MADD: variants seen among roughly 807,000 people sequenced by gnomAD.
The protein encoded by MADD is MAP kinase activating death domain.
A neutral mutation model predicts 176.7 loss-of-function variants in MADD; 109 were observed. The observed-to-expected ratio is 0.62, with a 90% confidence interval of 0.53 to 0.72. The LOEUF is 0.72. MADD is among the 30% of genes least tolerant of loss of function. The probability of loss-of-function intolerance (pLI) is 0.00; values close to 1 mark genes in which losing one functional copy is unlikely to be tolerated. For missense variants in MADD, 1,914 were observed against 2,045.5 expected, an observed-to-expected ratio of 0.94 and a Z score of 1.24; for synonymous variants, 771 against 771.3, an observed-to-expected ratio of 1.00 and a Z score of 0.01.
intron 8 of MADD, 97 bp downstream of exon 8, chr11:47,281,850 C>CTTTTTTTTTTTTTTTTTTTTTTTTTTTGT (rs56374249): frequency 3.3e-6 from 1 of 300,840 alleles, no homozygotes; most frequent in Non-Finnish European, 5.0e-6. Context: ...ACCAGGGTTC[C>CTTTTTTTTTTTTTTTTTTTTTTTTTTTGT]TTTTTTTTTT....
At chr11:47,307,186 C>T (rs977532917) in intron 22 of MADD, among the ~76,000 whole-genome samples, 1 of 151,858 alleles carries the variant, frequency 6.6e-6, no homozygotes, top group African/African-American at 2.4e-5. Flanking sequence ...AGTGCCAGGA[C>T]TATAGATGTG....
At chr11:47,292,793 G>T (rs2066528047) in intron 19 of MADD, among the ~76,000 whole-genome samples, 197 bp downstream of exon 21, 1 of 152,030 alleles carries the variant, frequency 6.6e-6, no homozygotes, top group Admixed American at 6.6e-5. Context: ...GTGTCAATCA[G>T]GCTATAACCA....
chr11:47,276,917 G>A, intron 5 of MADD, 54 bp downstream of exon 5: 1 of 1,597,916 alleles, frequency 6.3e-7, no homozygotes. Context: ...TGAGGGAGGA[G>A]GCTTAATGCT....
exon 28 of MADD, chr11:47,323,696 G>T: frequency 6.2e-7 from 1 of 1,613,830 alleles, no homozygotes; most frequent in Non-Finnish European, 8.5e-7. Flanking sequence ...GTGGTGTTGC[G>T]TAGTAACATC....
chr11:47,269,397 G>A (rs1958213177), upstream of MADD: 2 of 152,464 alleles, frequency 1.3e-5, no homozygotes, highest in Non-Finnish European at 2.9e-5. Context: ...TAAGGCGTCG[G>A]CGGTGCACCT....
chr11:47,316,170 C>T (rs553764012), intron 27 of MADD, among the ~76,000 whole-genome samples: 77 of 57,956 alleles, frequency 1.3e-3, no homozygotes, highest in African/African-American at 6.8e-3. Flanking sequence ...CGCACACACA[C>T]GCGCACACAC....
chr11:47,291,312 T>C (rs1254313986), intron 19 of MADD, among the ~76,000 whole-genome samples: 1 of 152,174 alleles, frequency 6.6e-6, no homozygotes, highest in African/African-American at 2.4e-5. Flanking sequence ...CTTTGAGGTA[T>C]AGGTTTCCAA....
chr11:47,284,620 C>T, intron 12 of MADD, 55 bp downstream of exon 12: 1 of 1,574,302 alleles, frequency 6.4e-7, no homozygotes, highest in Non-Finnish European at 8.6e-7. Context: ...TGGGCCTCAT[C>T]TATTAGGAAA....
chr11:47,288,405 C>T (rs562555414), intron 15 of MADD, among the ~76,000 whole-genome samples: 6 of 152,292 alleles, frequency 3.9e-5, no homozygotes, highest in South Asian at 2.1e-4. Flanking sequence ...GTGAAAGGAG[C>T]GAACTAGCAC....
At chr11:47,328,239 G>A in intron 31 of MADD, 1 of 1,095,546 alleles carries the variant, frequency 9.1e-7, no homozygotes, top group Non-Finnish European at 1.1e-6. Flanking sequence ...GTTCACGGGT[G>A]TCTCAGCAAA....
chr11:47,304,233 CTT>C (rs757249187), intron 22 of MADD, among the ~76,000 whole-genome samples: 13 of 139,760 alleles, frequency 9.3e-5, no homozygotes, highest in Admixed American at 1.4e-4. Context: ...GTATTTTTTC[CTT>C]TTTTTTTTTT....
At chr11:47,269,309 G>GC (rs1958167588), upstream of MADD, 1 of 152,320 alleles carries the variant, frequency 6.6e-6, no homozygotes, top group African/African-American at 2.4e-5. Context: ...AGGCTTAGGC[G>GC]CCCCCTTCCC....
At chr11:47,276,591 G>A (rs184623923) in intron 4 of MADD, 141 bp from the exon 5 acceptor site, 3 of 945,916 alleles carry the variant, frequency 3.2e-6, no homozygotes, top group East Asian at 2.5e-5. Flanking sequence ...GGCAGGCATG[G>A]TGGGGCAGGG....
intron 20 of MADD, among the ~76,000 whole-genome samples, chr11:47,294,366 A>T (rs60307555): frequency 1.4e-5 from 2 of 147,370 alleles, no homozygotes; most frequent in African/African-American, 5.1e-5. Flanking sequence ...AAAAAAAATA[A>T]AAATAAAAAT....
At chr11:47,275,856 C>T in intron 3 of MADD, 43 bp from the exon 4 acceptor site, 1 of 1,553,550 alleles carries the variant, frequency 6.4e-7, no homozygotes, top group Non-Finnish European at 8.8e-7. Flanking sequence ...AGGGTATCAG[C>T]TTCTGATGCT....
chr11:47,284,472 CA>C lies in MADD; in HGVS notation c.2065del (p.Ser689ValfsTer45). Reference sequence around the variant, plus strand: ...AGGAAGCAGAAGAGCCTGGCCCAGACAGTGAGAACTCTCAGGAAAACCCCCC... The same window carrying C: ...AGGAAGCAGAAGAGCCTGGCCCAGACGTGAGAACTCTCAGGAAAACCCCCC... On this transcript the variant is annotated frameshift_variant, in exon 12 of 33. Coordinates refer to ENST00000402192, the Ensembl canonical transcript of MADD. LOFTEE classifies it high-confidence loss of function. 1 of 1,614,114 alleles carries C rather than the reference CA, an allele frequency of 6.2e-7. No individual in the cohort carries two copies. Among genetic ancestry groups the C allele is most frequent in the Non-Finnish European group, 8.5e-7 (1 of 1,180,020 alleles).
rs377631775 is a variant in MADD, at chr11:47,279,092, C to A, written c.1290+13C>A. The A allele has an allele frequency of 6.2e-7, 1 of 1,612,482 alleles. No homozygotes were observed. Among genetic ancestry groups the A allele is most frequent in the Non-Finnish European group, 8.5e-7 (1 of 1,179,028 alleles). On this transcript the variant is annotated intron_variant, in intron 7 of 32. Transcript: ENST00000402192. ...GCATTTAAAGCAGGTAGGTGAAGAACGAAGGAAAGAAAGGGGAGTATTAGA... is the reference window on the plus strand; with the variant it reads ...GCATTTAAAGCAGGTAGGTGAAGAAAGAAGGAAAGAAAGGGGAGTATTAGA...
intron 20 of MADD, 88 bp from the exon 23 acceptor site, chr11:47,295,408 A>T: frequency 9.6e-7 from 1 of 1,037,016 alleles, no homozygotes; most frequent in Admixed American, 1.8e-5. Flanking sequence ...AAGGGTGGGG[A>T]TGAGGAGAAA....
At chr11:47,283,194 T>C (rs1382125646) in intron 10 of MADD, among the ~76,000 whole-genome samples, 2 of 152,034 alleles carry the variant, frequency 1.3e-5, no homozygotes, top group African/African-American at 4.8e-5. Flanking sequence ...CCCGGCTTCA[T>C]GCCATTCTCC....
Sources: gnomAD v4.1 joint callset for allele counts (sites outside exome capture counted in the v4.1 genomes callset) on GRCh38, gnomAD v4.1.1 for gene constraint, MANE v1.5 for transcripts, NCBI Gene and HGNC (gene_info 2026-07-23, HGNC 2026-07-21) for gene names.